The following S100Z variants were observed in gnomAD, a reference collection of about 807,000 sequenced individuals.
S100Z encodes the protein protein S100-Z.
S100Z carries 11 observed loss-of-function variants against 8.5 expected under a neutral mutation model. The ratio of observed to expected loss-of-function variants is 1.30; its 90% CI spans 0.82 to 2.15. S100Z has a LOEUF of 2.15. S100Z is among the 30% of genes most tolerant of loss of function. The probability of loss-of-function intolerance (pLI) is 0.00; values close to 1 mark genes in which losing one functional copy is unlikely to be tolerated. For synonymous variants in S100Z, 34 were observed against 43.8 expected (o/e 0.78, Z 0.89); for missense variants, 126 against 117.9 (o/e 1.07, Z -0.32).
chr5:76,915,803 A>G (rs765605881), intron 4 of S100Z, among the ~76,000 whole-genome samples: 21 of 152,212 alleles, frequency 1.4e-4, no homozygotes, highest in Non-Finnish European at 2.4e-4. Flanking sequence ...CACATCAAAT[A>G]CAATAACGTA....
chr5:76,906,268 A>AT (rs921923335), intron 4 of S100Z, among the ~76,000 whole-genome samples: 2 of 150,540 alleles, frequency 1.3e-5, no homozygotes, highest in Non-Finnish European at 2.9e-5. Flanking sequence ...CACTTCACAT[A>AT]TTTTTTTGGT....
intron 4 of S100Z, among the ~76,000 whole-genome samples, chr5:76,891,289 T>A (rs1375813087): frequency 6.6e-6 from 1 of 152,230 alleles, no homozygotes; most frequent in African/African-American, 2.4e-5. Context: ...TGGTATTTTT[T>A]AAAATATAGA....
chr5:76,902,371 A>G (rs540370426), intron 4 of S100Z, among the ~76,000 whole-genome samples: 17 of 152,238 alleles, frequency 1.1e-4, no homozygotes, highest in African/African-American at 4.1e-4. Context: ...GCTGAATTTG[A>G]TCCAGTTTTC....
chr5:76,862,313 G>A (rs1751081285), intron 1 of S100Z, among the ~76,000 whole-genome samples: 1 of 152,136 alleles, frequency 6.6e-6, no homozygotes, highest in Non-Finnish European at 1.5e-5. Flanking sequence ...ATAAGCAAGG[G>A]AACAGAAGGT....
intron 2 of S100Z, 121 bp from the exon 3 acceptor site, chr5:76,875,183 G>A (rs1743142476): frequency 3.8e-6 from 2 of 529,610 alleles, no homozygotes; most frequent in Non-Finnish European, 3.2e-6. Context: ...GAGCCACCGC[G>A]CCTGCGCAGA....
chr5:76,854,507 G>C (rs528913551), intron 1 of S100Z, among the ~76,000 whole-genome samples: 1 of 152,194 alleles, frequency 6.6e-6, no homozygotes, highest in Non-Finnish European at 1.5e-5. Context: ...TTGAACTTGA[G>C]AGTGATGATT....
At chr5:76,934,786 C>G in the S100Z span, among the ~76,000 whole-genome samples, 1 of 152,178 alleles carries the variant, frequency 6.6e-6, no homozygotes, top group Admixed American at 6.5e-5. Flanking sequence ...GACTTCAGAA[C>G]AGTGAGAATT....
chr5:76,880,017 C>T (rs755090811), intron 4 of S100Z, among the ~76,000 whole-genome samples: 24 of 152,016 alleles, frequency 1.6e-4, no homozygotes, highest in Admixed American at 2.0e-4. Context: ...CAAAGGGTGG[C>T]GGATTATCAT....
intron 4 of S100Z, among the ~76,000 whole-genome samples, chr5:76,896,475 T>G (rs1360517882): frequency 6.6e-6 from 1 of 152,226 alleles, no homozygotes; most frequent in Admixed American, 6.5e-5. Flanking sequence ...TCTGAGCTGT[T>G]GTAAACAGTG....
intron 4 of S100Z, among the ~76,000 whole-genome samples, chr5:76,907,017 TATATATAC>T (rs1289059722): frequency 1.4e-4 from 15 of 110,598 alleles, no homozygotes; most frequent in African/African-American, 9.1e-4. Context: ...TATATATATA[TATATATAC>T]ATATATATAT....
chr5:76,946,385 C>G, the S100Z span, among the ~76,000 whole-genome samples: 1 of 152,020 alleles, frequency 6.6e-6, no homozygotes, highest in Non-Finnish European at 1.5e-5. Flanking sequence ...TTATAACTTC[C>G]AGTTCCCCCT....
chr5:76,871,507 C>G (rs1023553245), intron 2 of S100Z, among the ~76,000 whole-genome samples: 1 of 148,784 alleles, frequency 6.7e-6, no homozygotes, highest in African/African-American at 2.5e-5. Context: ...CAACAAATTG[C>G]CAATCAGAAA....
At chr5:76,915,532 C>T (rs943930489) in intron 4 of S100Z, among the ~76,000 whole-genome samples, 5 of 148,530 alleles carry the variant, frequency 3.4e-5, no homozygotes, top group Admixed American at 1.3e-4. Flanking sequence ...GGCGTGAACC[C>T]GGGAGGTGGA....
At chr5:76,884,025 GA>G (rs1488560078) in intron 4 of S100Z, among the ~76,000 whole-genome samples, 1 of 149,160 alleles carries the variant, frequency 6.7e-6, no homozygotes, top group Non-Finnish European at 1.5e-5. Context: ...ACCTTGAAGC[GA>G]GGTTAATTAA....
chr5:76,918,696 T>TGTA (rs1744935520), intron 4 of S100Z, among the ~76,000 whole-genome samples: 1 of 152,220 alleles, frequency 6.6e-6, no homozygotes, highest in Non-Finnish European at 1.5e-5. Flanking sequence ...GACACATCAT[T>TGTA]ATTACCCAGT....
intron 1 of S100Z, among the ~76,000 whole-genome samples, chr5:76,866,423 T>A (rs1214417646): frequency 6.6e-6 from 1 of 152,208 alleles, no homozygotes; most frequent in East Asian, 1.9e-4. Flanking sequence ...GCAGCCTAAC[T>A]GTACAATGTT....
the S100Z span, among the ~76,000 whole-genome samples, chr5:76,949,287 G>A: frequency 0.015 from 2,347 of 152,196 alleles, 69 homozygotes; most frequent in African/African-American, 0.053. Flanking sequence ...TACTCGGGAG[G>A]CTGAGACAGG....
chr5:76,868,799 T>A (rs533457268), intron 1 of S100Z, among the ~76,000 whole-genome samples: 5 of 152,206 alleles, frequency 3.3e-5, no homozygotes, highest in Non-Finnish European at 5.9e-5. Context: ...GCTTTTTGTA[T>A]TTTTAGTAGA....
chr5:76,861,170 C>T (rs1751044178), intron 1 of S100Z, among the ~76,000 whole-genome samples: 1 of 152,148 alleles, frequency 6.6e-6, no homozygotes, highest in South Asian at 2.1e-4. Context: ...GGCTGAGGAT[C>T]CACTCCTAAG....
Sources: allele counts gnomAD v4.1 joint callset (sites outside exome capture counted in the v4.1 genomes callset), GRCh38; gene constraint gnomAD v4.1.1; transcripts MANE v1.5; gene names NCBI Gene and HGNC (gene_info 2026-07-23, HGNC 2026-07-21).